The following NRXN1 variants were observed in gnomAD, a reference collection of about 807,000 sequenced individuals.
The protein encoded by NRXN1 is neurexin 1.
In NRXN1, 39 loss-of-function variants were observed where a neutral mutation model predicts 150.9. That is an observed-to-expected ratio of 0.26 (90% CI 0.20 to 0.34). The LOEUF is 0.34. Among genes scored for constraint, NRXN1 ranks in the 10% least tolerant of loss-of-function variants. NRXN1 has a pLI of 1.00. For synonymous variants in NRXN1, 924 were observed against 757.0 expected, an observed-to-expected ratio of 1.22 and a Z score of -3.62; for missense variants, 1,815 against 1,949.9, an observed-to-expected ratio of 0.93 and a Z score of 1.30.
chr2:50,541,888 T>TA (rs1216793939), intron 9 of NRXN1, among the ~76,000 whole-genome samples: 1 of 152,076 alleles, frequency 6.6e-6, no homozygotes, highest in East Asian at 1.9e-4. Context: ...AAAAAATAAA[T>TA]AAAAAACAAA....
At chr2:50,510,064 T>G (rs554481269) in intron 12 of NRXN1, among the ~76,000 whole-genome samples, 130 of 152,250 alleles carry the variant, frequency 8.5e-4, no homozygotes, top group Non-Finnish European at 8.8e-4. Context: ...ACTTCAATCT[T>G]TGACTTCAAG....
intron 18 of NRXN1, among the ~76,000 whole-genome samples, chr2:50,148,169 T>C (rs1040371661): frequency 6.6e-6 from 1 of 150,642 alleles, no homozygotes; most frequent in Non-Finnish European, 1.5e-5. Flanking sequence ...GTGAAACTAA[T>C]TTTTTTTTAA....
intron 5 of NRXN1, among the ~76,000 whole-genome samples, chr2:50,682,746 C>A (rs778894766): frequency 6.6e-6 from 1 of 152,024 alleles, no homozygotes; most frequent in Non-Finnish European, 1.5e-5. Flanking sequence ...CAGAGTGCAA[C>A]AGTACGTGTC....
chr2:50,688,168 T>C (rs559297752), intron 5 of NRXN1, among the ~76,000 whole-genome samples: 40 of 152,280 alleles, frequency 2.6e-4, no homozygotes, highest in Non-Finnish European at 5.0e-4. Flanking sequence ...CATCTCTTTC[T>C]GGACAATGCA....
intron 18 of NRXN1, among the ~76,000 whole-genome samples, chr2:50,123,525 A>G (rs1704154115): frequency 6.6e-6 from 1 of 152,184 alleles, no homozygotes; most frequent in African/African-American, 2.4e-5. Context: ...GGTACTCATT[A>G]GAAGGTTTTG....
At chr2:50,828,267 G>A (rs1452869501) in intron 5 of NRXN1, among the ~76,000 whole-genome samples, 2 of 144,904 alleles carry the variant, frequency 1.4e-5, no homozygotes, top group Non-Finnish European at 3.0e-5. Flanking sequence ...TGGCCGGGCG[G>A]GGGGCTGACC....
Position 50,585,004 on chromosome 2 carries a change from A to C in NRXN1, c.1321-31979T>G, listed in dbSNP as rs370461356. 6.1e-4 allele frequency among the ~76,000 whole-genome samples: 93 copies of C among 152,278 alleles called. 2 individuals carry two copies. Among genetic ancestry groups the C allele is most frequent in the African/African-American group, 2.2e-3 (92 of 41,552 alleles). ...TTCTCAAACTTGAGTCGTGCACACA[A>C]AGTTTTTTTTCATAAAAATAAAAGT... On this transcript the variant is annotated intron_variant, in intron 8 of 22. Coordinates refer to ENST00000401669, the MANE Select transcript of NRXN1 (RefSeq NM_001330078.2).
At chr2:50,996,930 A>G (rs567347946) in intron 2 of NRXN1, among the ~76,000 whole-genome samples, 93 of 152,164 alleles carry the variant, frequency 6.1e-4, no homozygotes, top group Non-Finnish European at 1.2e-3. Flanking sequence ...GGGCTCACAC[A>G]GTGGTGGAAT....
chr2:50,755,521 G>A (rs1445371616), intron 5 of NRXN1, among the ~76,000 whole-genome samples: 2 of 151,736 alleles, frequency 1.3e-5, no homozygotes, highest in Admixed American at 1.3e-4. Context: ...AAGAGCCTGT[G>A]ATCCACAAAA....
At chr2:50,473,031 C>T (rs929711145) in intron 15 of NRXN1, among the ~76,000 whole-genome samples, 1 of 151,962 alleles carries the variant, frequency 6.6e-6, no homozygotes, top group South Asian at 2.1e-4. Context: ...TCTGTGTCTT[C>T]CATTTCATCA....
intron 17 of NRXN1, among the ~76,000 whole-genome samples, chr2:50,350,554 G>A (rs2078336417): frequency 6.6e-6 from 1 of 152,148 alleles, no homozygotes; most frequent in Non-Finnish European, 1.5e-5. Context: ...AAGTGCCAGG[G>A]CTACAAATAA....
intron 18 of NRXN1, among the ~76,000 whole-genome samples, chr2:50,223,626 T>C (rs1404840720): frequency 6.6e-6 from 1 of 151,982 alleles, no homozygotes; most frequent in East Asian, 1.9e-4. Context: ...AAGCCTGATT[T>C]TATTCCTAAT....
intron 18 of NRXN1, among the ~76,000 whole-genome samples, chr2:50,139,209 C>G (rs1236944421): frequency 1.2e-4 from 18 of 151,764 alleles, no homozygotes; most frequent in African/African-American, 4.4e-4. Context: ...GCCAGTAATC[C>G]CAGCTACTTG....
intron 18 of NRXN1, among the ~76,000 whole-genome samples, chr2:50,212,052 AT>A (rs2063058700): frequency 6.7e-6 from 1 of 148,834 alleles, no homozygotes; most frequent in Non-Finnish European, 1.5e-5. Context: ...TAAATCCACT[AT>A]ATATTCACTA....
At chr2:50,461,176 C>G (rs920710385) in intron 17 of NRXN1, among the ~76,000 whole-genome samples, 2 of 151,860 alleles carry the variant, frequency 1.3e-5, no homozygotes, top group Non-Finnish European at 2.9e-5. Context: ...GTATTTTATC[C>G]TCATTTCAGC....
chr2:50,159,365 T>C (rs1405621631), intron 18 of NRXN1, among the ~76,000 whole-genome samples: 1 of 152,110 alleles, frequency 6.6e-6, no homozygotes, highest in Non-Finnish European at 1.5e-5. Flanking sequence ...TCTTAGTTAT[T>C]TGGAGGATTA....
chr2:50,284,104 T>C (rs1244499776), intron 17 of NRXN1, among the ~76,000 whole-genome samples: 1 of 152,204 alleles, frequency 6.6e-6, no homozygotes, highest in African/African-American at 2.4e-5. Flanking sequence ...TGCACATTCA[T>C]GATTGAGACA....
chr2:50,384,528 A>T (rs1469304002), intron 17 of NRXN1, among the ~76,000 whole-genome samples: 24 of 144,202 alleles, frequency 1.7e-4, no homozygotes, highest in Admixed American at 4.9e-4. Flanking sequence ...AAAAAAAAAA[A>T]AAAAAAATGC....
intron 5 of NRXN1, among the ~76,000 whole-genome samples, chr2:50,695,623 A>G (rs1559135453): frequency 6.6e-6 from 1 of 152,210 alleles, no homozygotes; most frequent in African/African-American, 2.4e-5. Flanking sequence ...GAGAAACAAA[A>G]TTTGAGAGAT....
Sources: gnomAD v4.1 joint callset for allele counts (sites outside exome capture counted in the v4.1 genomes callset) on GRCh38, gnomAD v4.1.1 for gene constraint, MANE v1.5 for transcripts, NCBI Gene and HGNC (gene_info 2026-07-23, HGNC 2026-07-21) for gene names.